BCL9: variants seen among roughly 807,000 people sequenced by gnomAD.
BCL9 encodes the protein BCL9 transcription coactivator, also known as B-cell CLL/lymphoma 9 protein.
A neutral mutation model predicts 88.5 loss-of-function variants in BCL9; 25 were observed. The ratio of observed to expected loss-of-function variants is 0.28; its 90% CI spans 0.21 to 0.39. The LOEUF (loss-of-function observed/expected upper bound fraction) is 0.39. Ranked by LOEUF, BCL9 falls within the 10% of genes least tolerant of loss-of-function variation. The probability of loss-of-function intolerance (pLI) is 1.00; values close to 1 mark genes in which losing one functional copy is unlikely to be tolerated. For missense variants in BCL9, 1,817 were observed against 1,877.8 expected, an observed-to-expected ratio of 0.97 and a Z score of 0.60; for synonymous variants, 711 against 673.3, an observed-to-expected ratio of 1.06 and a Z score of -0.87.
chr1:147,621,747 T>C (rs1225497688), intron 8 of BCL9, among the ~76,000 whole-genome samples: 2 of 152,176 alleles, frequency 1.3e-5, no homozygotes, highest in Non-Finnish European at 2.9e-5. Context: ...TGCCTCTCTG[T>C]AGGGTAGCAG....
chr1:147,567,185 C>T (rs1553196823), intron 1 of BCL9, among the ~76,000 whole-genome samples: 1 of 152,184 alleles, frequency 6.6e-6, no homozygotes, highest in East Asian at 1.9e-4. Context: ...TCTGCTGACA[C>T]ACACATAGTT....
At chr1:147,558,684 G>A (rs1209219383) in intron 1 of BCL9, among the ~76,000 whole-genome samples, 1 of 152,120 alleles carries the variant, frequency 6.6e-6, no homozygotes, top group African/African-American at 2.4e-5. Flanking sequence ...GTCCCCCGAA[G>A]ACTTCTTTTC....
intron 1 of BCL9, among the ~76,000 whole-genome samples, chr1:147,550,417 A>G (rs950005742): frequency 6.6e-6 from 1 of 152,238 alleles, no homozygotes; most frequent in Non-Finnish European, 1.5e-5. Flanking sequence ...GACAATTAGT[A>G]TAACTGAGAT....
intron 1 of BCL9, among the ~76,000 whole-genome samples, chr1:147,599,499 C>G (rs901303917): frequency 1.3e-5 from 2 of 149,266 alleles, no homozygotes; most frequent in Admixed American, 6.7e-5. Context: ...CCCCCGCCCC[C>G]CTCGGTTGCT....
intron 1 of BCL9, among the ~76,000 whole-genome samples, chr1:147,569,148 T>C (rs1294953387): frequency 6.6e-6 from 1 of 151,300 alleles, no homozygotes; most frequent in Non-Finnish European, 1.5e-5. Flanking sequence ...GGTGAACAAA[T>C]GGACAAAGGT....
chr1:147,542,389 C>T (rs1394790039), intron 1 of BCL9, among the ~76,000 whole-genome samples: 2 of 152,190 alleles, frequency 1.3e-5, no homozygotes, highest in East Asian at 3.8e-4. Context: ...CTCAATTTCC[C>T]CATCTGTAAA....
chr1:147,571,983 G>T (rs1553197489), intron 1 of BCL9, among the ~76,000 whole-genome samples: 1 of 152,140 alleles, frequency 6.6e-6, no homozygotes, highest in East Asian at 1.9e-4. Flanking sequence ...TGTAATCCCA[G>T]CACTTTGGGA....
intron 1 of BCL9, among the ~76,000 whole-genome samples, chr1:147,546,175 A>G (rs587681381): frequency 1.3e-5 from 2 of 152,144 alleles, no homozygotes; most frequent in South Asian, 4.1e-4. Flanking sequence ...TCTCTACTAA[A>G]AATACAAAAA....
chr1:147,557,676 G>A (rs181108038), intron 1 of BCL9, among the ~76,000 whole-genome samples: 3 of 152,230 alleles, frequency 2.0e-5, no homozygotes, highest in Admixed American at 1.3e-4. Context: ...CCTACCATAG[G>A]AAATGGGATG....
At chr1:147,581,119 C>A (rs587706461) in intron 1 of BCL9, among the ~76,000 whole-genome samples, 8 of 152,184 alleles carry the variant, frequency 5.3e-5, no homozygotes, top group African/African-American at 1.9e-4. Context: ...TGACCCTGGG[C>A]AAATTATTTG....
intron 1 of BCL9, among the ~76,000 whole-genome samples, chr1:147,591,023 AGCAAGAATACAGGCTTT>A (rs1252153034): frequency 6.6e-6 from 1 of 152,216 alleles, no homozygotes; most frequent in African/African-American, 2.4e-5. Flanking sequence ...GCAGGATAGC[AGCAAGAATACAGGCTTT>A]GCCATTAGCC....
chr1:147,577,725 A>T (rs587594937), intron 1 of BCL9, among the ~76,000 whole-genome samples: 7 of 152,122 alleles, frequency 4.6e-5, no homozygotes, highest in African/African-American at 1.4e-4. Flanking sequence ...GGATCATTCC[A>T]TTGTAATGAT....
At chr1:147,543,747 A>C (rs1441864974) in intron 1 of BCL9, among the ~76,000 whole-genome samples, 1 of 152,132 alleles carries the variant, frequency 6.6e-6, no homozygotes, top group Admixed American at 6.5e-5. Context: ...ATAAGCACTG[A>C]TCTGAGGCGG....
intron 1 of BCL9, among the ~76,000 whole-genome samples, chr1:147,548,004 C>T (rs1352896050): frequency 1.3e-5 from 2 of 152,146 alleles, no homozygotes; most frequent in African/African-American, 4.8e-5. Flanking sequence ...CCATGAAAAT[C>T]ACAATCACTC....
chr1:147,572,273 CA>C (rs1655921759), intron 1 of BCL9, among the ~76,000 whole-genome samples: 1 of 151,400 alleles, frequency 6.6e-6, no homozygotes, highest in Non-Finnish European at 1.5e-5. Context: ...AAAAACAAAA[CA>C]AAAACAAACG....
rs75374746 is a variant in BCL9, at chr1:147,582,746, T to A, written c.-477-22031T>A. Among the ~76,000 whole-genome samples, 1,222 of 152,356 alleles carry A rather than the reference T, an allele frequency of 8.0e-3. 21 individuals are homozygous for A. The highest frequency in any genetic ancestry group is 0.028 in the African/African-American group (1,168 of 41,572). ...ACTATGCTCATTCATTTACATATTG[T>A]CTATGACTGCTTTCACCGTACAATG... On this transcript the variant is annotated intron_variant, in intron 1 of 9. Coordinates refer to ENST00000234739, the MANE Select transcript of BCL9 (RefSeq NM_004326.4).
At chr1:147,610,284 C>T (rs1365023220) in intron 3 of BCL9, among the ~76,000 whole-genome samples, 5 of 151,784 alleles carry the variant, frequency 3.3e-5, no homozygotes, top group African/African-American at 9.7e-5. Context: ...TAGAAACATT[C>T]ATAATGTTTT....
At chr1:147,606,733 T>A (rs1553202039) in intron 2 of BCL9, 51 bp from the exon 3 acceptor site, 1 of 152,520 alleles carries the variant, frequency 6.6e-6, no homozygotes, top group Non-Finnish European at 1.5e-5. Context: ...CAAATTGATG[T>A]TGTTGATTTT....
rs1198547354 is a variant in BCL9 at position 147,624,030 on chromosome 1, C to A, written c.3352C>A (p.Pro1118Thr). The A allele has an allele frequency of 3.1e-6, 5 of 1,614,072 alleles. No individual in the cohort carries two copies. Among genetic ancestry groups the A allele is most frequent in the Non-Finnish European group, 3.4e-6 (4 of 1,180,036 alleles). Residue 1118 changes from proline (P) to threonine (T), a missense_variant, in exon 10 of 10, where the codon CCT (proline) becomes ACT (threonine). Pro to Thr is a conservative substitution (Grantham distance 38). Around this residue, in one of 2 missense-constraint regions of BCL9, gnomAD observed 589 missense variants for 686.2 expected, o/e 0.86. Coordinates refer to ENST00000234739, the MANE Select transcript of BCL9 (RefSeq NM_004326.4). The surrounding 1 kb of genome is among the most constrained non-coding windows in gnomAD (Gnocchi z 4.4). The part of the protein sequence containing the change: ...PMGPGLMSHN[P>T]IMGHGSQEPP... Reference sequence around the variant, plus strand: ...GGGGCCTGGCTTGATGTCACACAATCCTATCATGGGGCATGGGTCCCAGGA... The same window carrying A: ...GGGGCCTGGCTTGATGTCACACAATACTATCATGGGGCATGGGTCCCAGGA...
Sources: allele counts gnomAD v4.1 joint callset (sites outside exome capture counted in the v4.1 genomes callset), GRCh38; gene constraint gnomAD v4.1.1; regional missense constraint gnomAD v4.1.1; non-coding constraint Gnocchi (gnomAD v3.1); transcripts MANE v1.5; gene names NCBI Gene and HGNC (gene_info 2026-07-23, HGNC 2026-07-21).